TBC1D32: variants seen among roughly 807,000 people sequenced by gnomAD.
TBC1D32 encodes protein broad-minded.
A neutral mutation model predicts 170.3 loss-of-function variants in TBC1D32; 151 were observed. That is an observed-to-expected ratio of 0.89 (90% CI 0.78 to 1.01). The LOEUF (loss-of-function observed/expected upper bound fraction) is 1.01. Ranked by LOEUF, TBC1D32 falls within the 50% of genes least tolerant of loss-of-function variation. The pLI, the probability that TBC1D32 is intolerant of heterozygous loss-of-function variation, is 0.00. For missense variants in TBC1D32, 1,464 were observed against 1,457.1 expected (o/e 1.00, Z -0.08); for synonymous variants, 498 against 488.0 (o/e 1.02, Z -0.27).
At chr6:121,089,936 CTT>C (rs778272700) in intron 31 of TBC1D32, among the ~76,000 whole-genome samples, 39 of 138,526 alleles carry the variant, frequency 2.8e-4, no homozygotes, top group Admixed American at 2.9e-4. Flanking sequence ...TTCAAAGATT[CTT>C]TTTTTTTTTT....
chr6:121,266,046 T>C (rs562129922), intron 15 of TBC1D32, among the ~76,000 whole-genome samples: 177 of 152,178 alleles, frequency 1.2e-3, no homozygotes, highest in Non-Finnish European at 2.2e-3. Flanking sequence ...CAAAAAGCAA[T>C]TGCAACAAAA....
chr6:121,217,347 G>A (rs745308496), intron 21 of TBC1D32, among the ~76,000 whole-genome samples: 8 of 152,166 alleles, frequency 5.3e-5, no homozygotes, highest in East Asian at 1.9e-4. Flanking sequence ...TCAACTCTCC[G>A]GCTTTGTGTC....
intron 9 of TBC1D32, among the ~76,000 whole-genome samples, chr6:121,302,856 G>A (rs1377987857): frequency 6.6e-6 from 1 of 152,080 alleles, no homozygotes; most frequent in Non-Finnish European, 1.5e-5. Context: ...GGTTAATTGG[G>A]CATTTATGAT....
intron 1 of TBC1D32, among the ~76,000 whole-genome samples, chr6:121,323,370 T>C (rs1312394323): frequency 2.0e-5 from 3 of 152,166 alleles, no homozygotes; most frequent in African/African-American, 7.2e-5. Flanking sequence ...ATATTAGCCT[T>C]CCAAAAGAAC....
At chr6:121,188,778 A>G (rs748041958) in intron 22 of TBC1D32, among the ~76,000 whole-genome samples, 5 of 152,144 alleles carry the variant, frequency 3.3e-5, no homozygotes, top group Admixed American at 6.6e-5. Flanking sequence ...TATTACTTCA[A>G]TAAAAATAAA....
chr6:121,113,954 T>A (rs992743494), intron 27 of TBC1D32, among the ~76,000 whole-genome samples: 2 of 152,126 alleles, frequency 1.3e-5, no homozygotes, highest in African/African-American at 4.8e-5. Flanking sequence ...GGTGGGTGGA[T>A]CATGAGGTCA....
intron 22 of TBC1D32, among the ~76,000 whole-genome samples, chr6:121,200,728 A>G (rs1227579989): frequency 6.6e-6 from 1 of 151,642 alleles, no homozygotes; most frequent in Non-Finnish European, 1.5e-5. Flanking sequence ...AGAGAAGACA[A>G]GATCAGAATG....
chr6:121,309,057 G>A (rs17083397), intron 4 of TBC1D32, among the ~76,000 whole-genome samples: 3,639 of 152,094 alleles, frequency 0.024, 162 homozygotes, highest in East Asian at 0.12. Flanking sequence ...CTCTGAACCA[G>A]GGCCCAACTT....
chr6:121,185,952 A>T (rs896221688), intron 22 of TBC1D32, among the ~76,000 whole-genome samples: 9 of 152,120 alleles, frequency 5.9e-5, no homozygotes, highest in African/African-American at 2.2e-4. Context: ...GTGCTGTCCC[A>T]CAAAATGCTC....
chr6:121,243,461 GA>G (rs1371618131), intron 17 of TBC1D32, among the ~76,000 whole-genome samples: 1 of 142,552 alleles, frequency 7.0e-6, no homozygotes, highest in Non-Finnish European at 1.5e-5. Context: ...GATGAGAAGA[GA>G]TTCCTTTCCT....
intron 22 of TBC1D32, among the ~76,000 whole-genome samples, chr6:121,162,280 C>T (rs1785810156): frequency 6.6e-6 from 1 of 152,116 alleles, no homozygotes; most frequent in South Asian, 2.1e-4. Flanking sequence ...TGACTATGCC[C>T]TGAATGGTAT....
At chr6:121,136,727 C>T (rs1222499198) in intron 24 of TBC1D32, among the ~76,000 whole-genome samples, 1 of 151,926 alleles carries the variant, frequency 6.6e-6, no homozygotes, top group Non-Finnish European at 1.5e-5. Flanking sequence ...ATGGTGGTGG[C>T]GATCTGTGTA....
chr6:121,108,017 A>G (rs921937920), intron 29 of TBC1D32, among the ~76,000 whole-genome samples: 5 of 152,134 alleles, frequency 3.3e-5, no homozygotes, highest in Non-Finnish European at 7.4e-5. Context: ...TCCTGATACC[A>G]AGCCTTGCAT....
chr6:121,186,928 AAG>A (rs1014197325), intron 22 of TBC1D32, among the ~76,000 whole-genome samples: 3 of 18,506 alleles, frequency 1.6e-4, no homozygotes, highest in Non-Finnish European at 1.1e-3. Context: ...AAAATATTCA[AAG>A]AGCTTAGAAT....
chr6:121,196,540 C>T (rs944675295), intron 22 of TBC1D32, among the ~76,000 whole-genome samples: 7 of 152,182 alleles, frequency 4.6e-5, no homozygotes, highest in African/African-American at 1.4e-4. Flanking sequence ...GACTACTATC[C>T]GTGGACTCAT....
At chr6:121,168,567 T>C (rs1425466944) in intron 22 of TBC1D32, among the ~76,000 whole-genome samples, 13 of 48,450 alleles carry the variant, frequency 2.7e-4, no homozygotes, top group Non-Finnish European at 4.5e-4. Flanking sequence ...TGTGGTGGGG[T>C]CGGGGGAGGG....
chr6:121,152,559 G>C, intron 24 of TBC1D32, among the ~76,000 whole-genome samples: 1 of 152,146 alleles, frequency 6.6e-6, no homozygotes, highest in East Asian at 1.9e-4. Flanking sequence ...TGCTAGGTTG[G>C]GGAAGGGTTC....
chr6:121,142,970 T>G (rs1782987029), intron 24 of TBC1D32, among the ~76,000 whole-genome samples: 1 of 152,146 alleles, frequency 6.6e-6, no homozygotes, highest in Non-Finnish European at 1.5e-5. Context: ...GTATGACTAT[T>G]CTTTTCCACC....
chr6:121,131,242 T>G (rs748018428), intron 25 of TBC1D32, among the ~76,000 whole-genome samples: 2 of 151,590 alleles, frequency 1.3e-5, no homozygotes, highest in Non-Finnish European at 2.9e-5. Context: ...TCCTTAGGAG[T>G]CACTAAATTT....
Sources: gnomAD v4.1 joint callset for allele counts (sites outside exome capture counted in the v4.1 genomes callset) on GRCh38, gnomAD v4.1.1 for gene constraint, MANE v1.5 for transcripts, NCBI Gene and HGNC (gene_info 2026-07-23, HGNC 2026-07-21) for gene names.